The following KIAA1210 variants were observed in gnomAD, a reference collection of about 807,000 sequenced individuals.
KIAA1210 encodes KIAA1210.
Under a neutral mutation model 78.9 loss-of-function variants are expected in KIAA1210, and 48 were observed. The observed-to-expected ratio is 0.61, with a 90% CI of 0.48 to 0.77. The LOEUF is 0.77. Ranked by LOEUF, KIAA1210 falls within the 30% of genes least tolerant of loss-of-function variation. The pLI is 0.00. For missense variants in KIAA1210, 1,108 were observed against 1,100.0 expected (o/e 1.01, Z -0.10); for synonymous variants, 406 against 404.5 (o/e 1.00, Z -0.04).
rs1373471973 is a variant in KIAA1210, at chrX:119,080,596, T to C, written c.*733A>G. On this transcript the variant is annotated 3_prime_UTR_variant, in exon 12 of 12. Coordinates refer to ENST00000691062, the MANE Select transcript of KIAA1210 (RefSeq NM_001394962.1). ...AATGTTTCCATTAGAATTACTTTATTTGGTTGAGGGAAATGACAATTTTCT... is the reference window on the plus strand; with the variant it reads ...AATGTTTCCATTAGAATTACTTTATCTGGTTGAGGGAAATGACAATTTTCT... The C allele has an allele frequency of 8.9e-6, 1 of 112,349 alleles. No individual in the cohort carries two copies. Among genetic ancestry groups the C allele is most frequent in the South Asian group, 3.7e-4 (1 of 2,684 alleles). 9.3% of individuals were successfully genotyped at this position (112,349 alleles called of 1,213,427 possible).
chrX:119,105,605 T>C (rs1249396358), intron 5 of KIAA1210, among the ~76,000 whole-genome samples: 1 of 112,425 alleles, frequency 8.9e-6, no homozygotes, highest in African/African-American at 3.2e-5. Flanking sequence ...GCTCCTATTA[T>C]TCAAGGAATT....
At chrX:119,109,476 G>A (rs1168502374) in intron 3 of KIAA1210, among the ~76,000 whole-genome samples, 1 of 111,932 alleles carries the variant, frequency 8.9e-6, no homozygotes, top group Non-Finnish European at 1.9e-5. Context: ...GAGGAATGGC[G>A]CACTAGGGAC....
At chrX:119,114,745 C>T (rs1017578136) in intron 3 of KIAA1210, among the ~76,000 whole-genome samples, 1 of 111,934 alleles carries the variant, frequency 8.9e-6, no homozygotes, top group Non-Finnish European at 1.9e-5. Flanking sequence ...TCTATAGTGC[C>T]AAGCCCTCCC....
chrX:119,131,701 G>T (rs978307878), upstream of KIAA1210, among the ~76,000 whole-genome samples: 2 of 112,395 alleles, frequency 1.8e-5, no homozygotes, highest in African/African-American at 6.5e-5. Context: ...GTTGTCGAGG[G>T]CCACATGGCA....
chrX:119,116,717 G>T lies in KIAA1210; in HGVS notation c.62-53C>A. On this transcript the variant is annotated intron_variant, in intron 2 of 11. Transcript: ENST00000691062. ...GAGTGTGATGGTAGAAGGGAAGACA[G>T]GAGAGGAAAAAGAGCCTTCATGAGA... The T allele has an allele frequency of 3.7e-6, 4 of 1,085,285 alleles. No homozygotes were observed. In the South Asian group the frequency reaches 6.5e-5, roughly 18 times the overall value. 89.4% of individuals were successfully genotyped at this position (1,085,285 alleles called of 1,213,427 possible). A position where few individuals can be genotyped will look rare whatever the true frequency, so the allele number is the denominator to read the frequency against.
chrX:119,096,726 C>G (rs1222603143), intron 6 of KIAA1210, 35 bp from the exon 7 acceptor site: 36 of 1,048,185 alleles, frequency 3.4e-5, no homozygotes, highest in Non-Finnish European at 4.4e-5. Context: ...CGAGTCAACC[C>G]GTATGCTGTT....
rs1399619299 is a variant in KIAA1210, at chrX:119,108,598, C to T, written c.358-127G>A. 3.1e-5 allele frequency: 26 copies of T among 827,240 alleles called. No individual in the cohort carries two copies. In the East Asian group the frequency reaches 8.9e-4, roughly 28 times the overall value. The allele number at this position is 827,240 out of a possible 1,213,427, so 68.2% of individuals were successfully genotyped here. On this transcript the variant is annotated intron_variant, in intron 4 of 11. Coordinates refer to ENST00000691062, the MANE Select transcript of KIAA1210 (RefSeq NM_001394962.1). ...AGTGAATATAGGCCAGGCACGGTGG[C>T]TCGCGCATGTAATCCCAGCACTTTG... is the stretch of plus-strand genomic sequence containing the variant.
intron 8 of KIAA1210, among the ~76,000 whole-genome samples, chrX:119,092,485 GGT>G (rs1248246314): frequency 1.8e-5 from 2 of 112,131 alleles, no homozygotes. Context: ...TCAAAGGCTG[GGT>G]GCAGTGGCTC....
chrX:119,130,786 C>T (rs183612056), upstream of KIAA1210, among the ~76,000 whole-genome samples: 1 of 112,065 alleles, frequency 8.9e-6, no homozygotes, highest in African/African-American at 3.2e-5. Context: ...TTCCAAGGAC[C>T]AAACATAGTC....
rs950874462 is a variant in KIAA1210, at chrX:119,093,739, C to A, written c.883G>T (p.Val295Phe). 4.1e-6 allele frequency: 5 copies of A among 1,207,889 alleles called. No individual in the cohort carries two copies. Among genetic ancestry groups the A allele is most frequent in the Non-Finnish European group, 5.6e-6 (5 of 894,192 alleles). Residue 295 changes from valine (V) to phenylalanine (F), a missense_variant, in exon 8 of 12, where the codon GTT becomes TTT. Transcript: ENST00000691062. ...PKEEEPNLPL[V>F]SEEEKSITKP... ...GTTATGCTCTTTTCTTCTTCAGAAA[C>A]CAATGGAAGGTTTGGCTCCTCCTCC...
At position 119,081,287 on chromosome X, in the gene KIAA1210, AAACT is replaced by A; in HGVS notation, c.*38_*41del. 1 of 993,886 alleles carries A rather than the reference AAACT, an allele frequency of 1.0e-6. No individual in the cohort carries two copies. The highest frequency in any genetic ancestry group is 1.3e-6 in the Non-Finnish European group (1 of 747,394). 81.9% of individuals were successfully genotyped at this position (993,886 alleles called of 1,213,427 possible). On this transcript the variant is annotated 3_prime_UTR_variant, in exon 12 of 12. Coordinates refer to ENST00000691062, the MANE Select transcript of KIAA1210 (RefSeq NM_001394962.1). The stretch of plus-strand genomic sequence containing the variant: ...GTCTCAAAAAAAAAAAAAAAAAAAA[AAACT>A]AAATAAAATAAATGCTGATGCTCCA...
intron 7 of KIAA1210, among the ~76,000 whole-genome samples, chrX:119,095,293 T>C (rs1010510012): frequency 1.8e-5 from 2 of 112,825 alleles, no homozygotes; most frequent in Admixed American, 9.3e-5. Context: ...ATTTACAGTC[T>C]CTTCCTTTCA....
In KIAA1210 at chrX:119,081,446, T is replaced by C. The variant is rs1213866150; in HGVS notation, c.4485A>G (p.Arg1495=). The C allele has an allele frequency of 8.3e-6, 10 of 1,208,167 alleles. No individual in the cohort carries two copies. In the Admixed American group the frequency reaches 2.0e-4, roughly 24 times the overall value. ...QVPAMEKETK[R]SSTLPAKFQN... The stretch of plus-strand genomic sequence containing the variant: ...GGAACTTGGCTGGGAGAGTTGAAGA[T>C]CGTTTGGTTTCTTTTTCCATGGCAG... Residue 1495 remains arginine (R), a synonymous_variant, in exon 12 of 12, where the codon CGA becomes CGG. Coordinates refer to ENST00000691062, the MANE Select transcript of KIAA1210 (RefSeq NM_001394962.1).
intron 6 of KIAA1210, among the ~76,000 whole-genome samples, chrX:119,100,594 C>T (rs997591015): frequency 3.6e-5 from 4 of 111,704 alleles, no homozygotes; most frequent in South Asian, 3.7e-4. Context: ...GGGGTAGAAG[C>T]GTAGCTTATT....
At chrX:119,101,507 G>A (rs1043512603) in intron 6 of KIAA1210, among the ~76,000 whole-genome samples, 1 of 111,311 alleles carries the variant, frequency 9.0e-6, no homozygotes, top group African/African-American at 3.3e-5. Flanking sequence ...CTCTTGGTGG[G>A]AAATGTGGTT....
intron 5 of KIAA1210, 80 bp from the exon 6 acceptor site, chrX:119,105,227 AT>A (rs772906748): frequency 8.3e-4 from 831 of 1,000,525 alleles, no homozygotes; most frequent in Middle Eastern, 3.1e-3. Context: ...TTATTCTTTA[AT>A]AAGAGTAAGG....
intron 2 of KIAA1210, among the ~76,000 whole-genome samples, chrX:119,138,901 C>T (rs770846568): frequency 8.9e-6 from 1 of 111,922 alleles, no homozygotes; most frequent in East Asian, 2.8e-4. Context: ...GCCCCTGACC[C>T]AGCTGGACAC....
intron 2 of KIAA1210, among the ~76,000 whole-genome samples, chrX:119,146,300 A>G (rs1929165908): frequency 8.9e-6 from 1 of 112,324 alleles, no homozygotes; most frequent in Admixed American, 9.4e-5. Context: ...ATACACAAAT[A>G]TTCCATTGTC....
intron 1 of KIAA1210, among the ~76,000 whole-genome samples, chrX:119,126,462 G>A (rs1251830828): frequency 8.9e-6 from 1 of 112,227 alleles, no homozygotes; most frequent in Non-Finnish European, 1.9e-5. Context: ...TGGCTGAAAG[G>A]TATTGATATT....
Sources: gnomAD v4.1 joint callset for allele counts (sites outside exome capture counted in the v4.1 genomes callset) on GRCh38, gnomAD v4.1.1 for gene constraint, MANE v1.5 for transcripts, NCBI Gene and HGNC (gene_info 2026-07-23, HGNC 2026-07-21) for gene names.